FER: variants seen among roughly 807,000 people sequenced by gnomAD.
FER encodes FER tyrosine kinase.
A neutral mutation model predicts 111.0 loss-of-function variants in FER; 63 were observed. The observed-to-expected ratio is 0.57, with a 90% confidence interval of 0.46 to 0.70. FER has a LOEUF of 0.70. FER is among the 30% of genes least tolerant of loss of function. The pLI is 0.00. For missense variants in FER, 914 were observed against 954.0 expected, an observed-to-expected ratio of 0.96 and a Z score of 0.55; for synonymous variants, 327 against 313.9, an observed-to-expected ratio of 1.04 and a Z score of -0.44.
chr5:109,015,762 A>G (rs1295169800), intron 13 of FER, among the ~76,000 whole-genome samples: 1 of 152,040 alleles, frequency 6.6e-6, no homozygotes, highest in Non-Finnish European at 1.5e-5. Flanking sequence ...CTTAGTGTAA[A>G]TTAAGCCTTT....
At chr5:108,813,124 G>C (rs550274921) in intron 3 of FER, among the ~76,000 whole-genome samples, 5 of 151,842 alleles carry the variant, frequency 3.3e-5, no homozygotes, top group Admixed American at 6.6e-5. Context: ...TTTTTTTTTA[G>C]GTTTGAAAGC....
At chr5:109,115,290 G>A (rs772659485) in intron 17 of FER, among the ~76,000 whole-genome samples, 2 of 152,038 alleles carry the variant, frequency 1.3e-5, no homozygotes, top group African/African-American at 4.8e-5. Context: ...TAAAATTAAA[G>A]ACTATTTAGG....
intron 16 of FER, among the ~76,000 whole-genome samples, chr5:109,065,939 G>T (rs1775038918): frequency 6.6e-6 from 1 of 152,090 alleles, no homozygotes; most frequent in Non-Finnish European, 1.5e-5. Context: ...AAATTATTCT[G>T]GGTCAAACTT....
chr5:108,806,206 G>A (rs908681849), intron 3 of FER, among the ~76,000 whole-genome samples: 1 of 152,202 alleles, frequency 6.6e-6, no homozygotes, highest in Non-Finnish European at 1.5e-5. Context: ...CTTCCACGTG[G>A]TGTTGAGCCT....
At chr5:108,918,796 G>A (rs909881780) in intron 10 of FER, among the ~76,000 whole-genome samples, 1 of 152,120 alleles carries the variant, frequency 6.6e-6, no homozygotes, top group Non-Finnish European at 1.5e-5. Flanking sequence ...CTTGGACTGG[G>A]TGTGTTTTTA....
At chr5:108,946,788 T>A (rs1757043487) in intron 11 of FER, among the ~76,000 whole-genome samples, 1 of 93,926 alleles carries the variant, frequency 1.1e-5, no homozygotes, top group Non-Finnish European at 2.2e-5. Context: ...CACAGAAGAG[T>A]TTCTCTAAAG....
chr5:109,001,392 A>G (rs1045560670), intron 13 of FER, among the ~76,000 whole-genome samples: 4 of 152,240 alleles, frequency 2.6e-5, no homozygotes, highest in African/African-American at 9.6e-5. Context: ...CCACATGATT[A>G]TCTCAATAGA....
intron 5 of FER, among the ~76,000 whole-genome samples, chr5:108,852,984 G>A (rs1213838191): frequency 6.6e-6 from 1 of 151,958 alleles, no homozygotes; most frequent in African/African-American, 2.4e-5. Context: ...GTTTTGATAA[G>A]TAAACAAAGC....
At chr5:109,067,884 G>A (rs1269342146) in intron 16 of FER, among the ~76,000 whole-genome samples, 1 of 152,098 alleles carries the variant, frequency 6.6e-6, no homozygotes, top group Non-Finnish European at 1.5e-5. Context: ...GGTGGAGTCT[G>A]TGCTTCCAGA....
intron 3 of FER, among the ~76,000 whole-genome samples, chr5:108,831,137 C>T: frequency 6.6e-6 from 1 of 152,102 alleles, no homozygotes; most frequent in Non-Finnish European, 1.5e-5. Context: ...TTTTGGCTTG[C>T]AAGAAATCTT....
chr5:108,754,869 T>C (rs1750909033), intron 1 of FER, among the ~76,000 whole-genome samples: 1 of 152,208 alleles, frequency 6.6e-6, no homozygotes, highest in Non-Finnish European at 1.5e-5. Context: ...CAGAAAAGTA[T>C]CTTTGCATTA....
chr5:109,144,185 C>T (rs1450512950), intron 17 of FER, among the ~76,000 whole-genome samples: 3 of 152,042 alleles, frequency 2.0e-5, no homozygotes, highest in Non-Finnish European at 4.4e-5. Context: ...TCATTTTATC[C>T]TTCATATTCT....
chr5:108,928,561 T>G (rs1754110620), intron 10 of FER, among the ~76,000 whole-genome samples: 1 of 152,146 alleles, frequency 6.6e-6, no homozygotes, highest in African/African-American at 2.4e-5. Flanking sequence ...AATAAGGTAA[T>G]TGTATTTCAC....
intron 13 of FER, among the ~76,000 whole-genome samples, chr5:109,028,076 G>C: frequency 6.6e-6 from 1 of 152,116 alleles, no homozygotes; most frequent in East Asian, 1.9e-4. Flanking sequence ...TTATCTAGTG[G>C]AAATAAGTGG....
intron 17 of FER, among the ~76,000 whole-genome samples, chr5:109,137,938 T>G (rs925500751): frequency 4.6e-5 from 7 of 152,176 alleles, no homozygotes; most frequent in African/African-American, 1.7e-4. Flanking sequence ...TCCTGGCCTA[T>G]TTTCTCCCGC....
intron 10 of FER, among the ~76,000 whole-genome samples, chr5:108,912,587 C>G (rs924397617): frequency 5.9e-5 from 9 of 152,160 alleles, no homozygotes; most frequent in African/African-American, 2.2e-4. Context: ...GTTTCGAACT[C>G]TGACCTCAGG....
At chr5:109,102,586 G>A (rs550340365) in intron 17 of FER, among the ~76,000 whole-genome samples, 1 of 152,146 alleles carries the variant, frequency 6.6e-6, no homozygotes, top group South Asian at 2.1e-4. Context: ...ATACTTTTCT[G>A]ACATTTAAAA....
intron 13 of FER, among the ~76,000 whole-genome samples, chr5:109,036,996 T>C (rs1159914161): frequency 1.3e-5 from 2 of 152,054 alleles, no homozygotes; most frequent in African/African-American, 2.4e-5. Context: ...AAAAATTAGC[T>C]CTTAGTAATA....
At chr5:108,776,604 A>G (rs1354177066) in intron 2 of FER, among the ~76,000 whole-genome samples, 1 of 152,150 alleles carries the variant, frequency 6.6e-6, no homozygotes, top group Non-Finnish European at 1.5e-5. Context: ...CAAGGAAACT[A>G]GTTATCTGTT....
Sources: allele counts gnomAD v4.1 joint callset (sites outside exome capture counted in the v4.1 genomes callset), GRCh38; gene constraint gnomAD v4.1.1; transcripts MANE v1.5; gene names NCBI Gene and HGNC (gene_info 2026-07-23, HGNC 2026-07-21).